UGT1A10: variants seen among roughly 807,000 people sequenced by gnomAD.
UGT1A10 encodes UDP-glucuronosyltransferase 1A10.
Under a neutral mutation model 45.8 loss-of-function variants are expected in UGT1A10, and 49 were observed. The observed-to-expected ratio is 1.07, with a 90% CI of 0.85 to 1.36. The LOEUF (loss-of-function observed/expected upper bound fraction) is 1.36. UGT1A10 is among the 40% of genes most tolerant of loss of function. The pLI, the probability that UGT1A10 is intolerant of heterozygous loss-of-function variation, is 0.00. For synonymous variants in UGT1A10, 284 were observed against 249.7 expected, an observed-to-expected ratio of 1.14 and a Z score of -1.29; for missense variants, 745 against 668.6, an observed-to-expected ratio of 1.11 and a Z score of -1.26.
intron 1 of UGT1A10, chr2:233,691,462 A>G (rs1455552692): frequency 3.0e-6 from 3 of 985,746 alleles, no homozygotes; most frequent in East Asian, 2.2e-4. Context: ...GGGCCCCAGA[A>G]CACCTCCGGT....
At chr2:233,638,828 C>G (rs1455192290) in intron 1 of UGT1A10, among the ~76,000 whole-genome samples, 2 of 152,174 alleles carry the variant, frequency 1.3e-5, no homozygotes, top group Admixed American at 1.3e-4. Context: ...TTCTAAAAAG[C>G]AGGAAGACTA....
chr2:233,636,998 A>G lies in UGT1A10; in HGVS notation c.476A>G (p.Lys159Arg). ...GATACCTGTGGCTTAATTGTTGCTA[A>G]ATATTTCTCCCTCCCCTCTGTGGTC... ...PFDTCGLIVA[K>R]YFSLPSVVFT... is the part of the protein sequence containing the mutation. Residue 159 changes from lysine (K) to arginine (R), a missense_variant, in exon 1 of 5, where the codon AAA (lysine) becomes AGA (arginine). By Grantham distance (26) the Lys-to-Arg change is conservative. Coordinates refer to ENST00000344644, the MANE Select transcript of UGT1A10 (RefSeq NM_019075.4). 2 of 1,613,946 alleles carry G rather than the reference A, an allele frequency of 1.2e-6. No homozygotes were observed. The highest frequency in any genetic ancestry group is 1.7e-6 in the Non-Finnish European group (2 of 1,179,988).
intron 1 of UGT1A10, among the ~76,000 whole-genome samples, chr2:233,670,716 A>G (rs1383320604): frequency 6.6e-6 from 1 of 152,174 alleles, no homozygotes; most frequent in Non-Finnish European, 1.5e-5. Context: ...TTGCTGAATT[A>G]GAGATGTTGG....
chr2:233,673,553 T>G (rs1204115170), intron 1 of UGT1A10, among the ~76,000 whole-genome samples: 1 of 152,074 alleles, frequency 6.6e-6, no homozygotes, highest in Non-Finnish European at 1.5e-5. Context: ...AGGATTGGCA[T>G]TTTTTTGCTA....
chr2:233,723,392 T>C (rs1199723178), intron 1 of UGT1A10, among the ~76,000 whole-genome samples: 1 of 129,940 alleles, frequency 7.7e-6, no homozygotes, highest in Non-Finnish European at 1.6e-5. Context: ...GTACTTTTAG[T>C]AGAGATGGGG....
At chr2:233,755,150 C>A (rs1325253274) in intron 1 of UGT1A10, 1 of 1,299,090 alleles carries the variant, frequency 7.7e-7, no homozygotes, top group Non-Finnish European at 1.0e-6. Flanking sequence ...TCACCGCTTC[C>A]TCCCTGTCCT....
intron 1 of UGT1A10, among the ~76,000 whole-genome samples, chr2:233,652,608 C>A (rs1397184601): frequency 1.3e-5 from 2 of 152,148 alleles, no homozygotes; most frequent in Non-Finnish European, 2.9e-5. Flanking sequence ...CTAATTGTCT[C>A]AAAAATGTCT....
intron 1 of UGT1A10, among the ~76,000 whole-genome samples, chr2:233,727,362 C>G (rs1360836232): frequency 6.6e-6 from 1 of 152,136 alleles, no homozygotes; most frequent in Admixed American, 6.5e-5. Context: ...ATCCTTAGGG[C>G]CCCTAGGTCT....
chr2:233,681,849 T>G (rs2074542229), intron 1 of UGT1A10: 1 of 1,519,206 alleles, frequency 6.6e-7, no homozygotes, highest in Admixed American at 2.3e-5. Flanking sequence ...ACGCCTTCTT[T>G]TGAGGGCAGG....
At chr2:233,768,557 A>C in intron 4 of UGT1A10, 118 bp downstream of exon 4, 1 of 1,466,482 alleles carries the variant, frequency 6.8e-7, no homozygotes, top group Non-Finnish European at 9.0e-7. Flanking sequence ...AAACAAATAC[A>C]TAAAAATCTG....
intron 1 of UGT1A10, chr2:233,747,817 C>T: frequency 6.2e-7 from 1 of 1,613,510 alleles, no homozygotes; most frequent in South Asian, 1.1e-5. Flanking sequence ...ACGACCAATT[C>T]AGACCACATG....
chr2:233,664,613 G>C (rs932530234), intron 1 of UGT1A10, among the ~76,000 whole-genome samples: 1 of 152,210 alleles, frequency 6.6e-6, no homozygotes, highest in African/African-American at 2.4e-5. Context: ...GATCAAGAGA[G>C]AGTTGGTGGG....
chr2:233,656,158 C>T (rs1353135936), intron 1 of UGT1A10, among the ~76,000 whole-genome samples: 1 of 152,196 alleles, frequency 6.6e-6, no homozygotes, highest in African/African-American at 2.4e-5. Flanking sequence ...CATCCTGACT[C>T]ATGCGTATTG....
At chr2:233,716,461 A>G (rs2076505023) in intron 1 of UGT1A10, among the ~76,000 whole-genome samples, 1 of 151,896 alleles carries the variant, frequency 6.6e-6, no homozygotes, top group Non-Finnish European at 1.5e-5. Context: ...TTTAAATTTA[A>G]TTTTTGTTTC....
intron 1 of UGT1A10, among the ~76,000 whole-genome samples, chr2:233,661,623 TTTTC>T (rs55749169): frequency 0.061 from 7,523 of 123,854 alleles, 251 homozygotes; most frequent in Middle Eastern, 0.12. Flanking sequence ...ACTTACTGAA[TTTTC>T]TTTCTTTCTT....
chr2:233,736,686 T>C (rs2078793378), intron 1 of UGT1A10, among the ~76,000 whole-genome samples: 1 of 152,252 alleles, frequency 6.6e-6, no homozygotes, highest in Admixed American at 6.5e-5. Context: ...GTTGGTGACC[T>C]ACAGATGGGG....
chr2:233,759,382 A>C (rs1049531519), intron 1 of UGT1A10, among the ~76,000 whole-genome samples: 4 of 152,150 alleles, frequency 2.6e-5, no homozygotes, highest in Non-Finnish European at 2.9e-5. Context: ...GGTTTTCAGG[A>C]TACTCAGAGT....
chr2:233,772,326 C>A lies in UGT1A10; in HGVS notation c.1360C>A (p.Leu454Met), dbSNP rs767264478. ...HKDRPVEPLDLAVFWVEFVMR... is the reference protein window; with the variant it reads ...HKDRPVEPLDMAVFWVEFVMR... The stretch of plus-strand genomic sequence containing the variant: ...GGACCGCCCGGTGGAGCCGCTGGAC[C>A]TGGCCGTGTTCTGGGTGGAGTTTGT... The change falls in exon 5 of 5, where the codon CTG becomes ATG. Residue 454 changes from leucine (L) to methionine (M), a missense_variant. Coordinates refer to ENST00000344644, the MANE Select transcript of UGT1A10 (RefSeq NM_019075.4). 1 of 1,614,166 alleles carries A rather than the reference C, an allele frequency of 6.2e-7. No homozygotes were observed. The highest frequency in any genetic ancestry group is 8.5e-7 in the Non-Finnish European group (1 of 1,180,028).
Position 233,772,366 on chromosome 2 carries a change from G to T in UGT1A10, c.1400G>T (p.Gly467Val). Residue 467 changes from glycine (G) to valine (V), a missense_variant, in exon 5 of 5, where the codon GGC (glycine) becomes GTC (valine). Physicochemically the swap from Gly to Val is moderately radical, Grantham distance 109. Transcript: ENST00000344644. ...GTGGAGTTTGTGATGAGGCACAAGG[G>T]CGCGCCACACCTGCGCCCCGCAGCC... ...FWVEFVMRHK[G>V]APHLRPAAHD... The T allele has an allele frequency of 6.2e-7, 1 of 1,614,234 alleles. No individual in the cohort carries two copies. The highest frequency in any genetic ancestry group is 8.5e-7 in the Non-Finnish European group (1 of 1,180,048).
Sources: gnomAD v4.1 joint callset for allele counts (sites outside exome capture counted in the v4.1 genomes callset) on GRCh38, gnomAD v4.1.1 for gene constraint, MANE v1.5 for transcripts, NCBI Gene and HGNC (gene_info 2026-07-23, HGNC 2026-07-21) for gene names.